Variants in CCDC7 observed in about 807,000 individuals in gnomAD.
CCDC7 encodes the protein coiled-coil domain-containing protein 7.
A neutral mutation model predicts 196.9 loss-of-function variants in CCDC7; 183 were observed. The ratio of observed to expected loss-of-function variants is 0.93; its 90% CI spans 0.82 to 1.05. The LOEUF is 1.05. Ranked by LOEUF, CCDC7 falls within the 50% of genes least tolerant of loss-of-function variation. The pLI is 0.00. For synonymous variants in CCDC7, 525 were observed against 484.6 expected (o/e 1.08, Z -1.10); for missense variants, 1,540 against 1,482.2 (o/e 1.04, Z -0.64).
rs566704894 is a variant in CCDC7, at chr10:32,780,832, A to T, written c.3013+1748A>T. ...TAAAACTCTTCACACAAAAGGCAGA[A>T]ATTTGCAGAATGAATTTTTTTTAAA... is the stretch of plus-strand genomic sequence containing the variant. On this transcript the variant is annotated intron_variant, in intron 29 of 41. Transcript: ENST00000639629. Among the ~76,000 whole-genome samples, 5 of 152,282 alleles carry T rather than the reference A, an allele frequency of 3.3e-5. 1 individual carries two copies. In the South Asian group the frequency reaches 1.0e-3, roughly 32 times the overall value.
chr10:32,443,714 A>G (rs2030463868), upstream of CCDC7, among the ~76,000 whole-genome samples: 1 of 152,184 alleles, frequency 6.6e-6, no homozygotes, highest in Admixed American at 6.5e-5. Flanking sequence ...ATAACTCTTG[A>G]AAACCTGTAG....
chr10:32,684,585 C>A (rs2076249207), intron 21 of CCDC7, among the ~76,000 whole-genome samples: 1 of 152,180 alleles, frequency 6.6e-6, no homozygotes, highest in African/African-American at 2.4e-5. Flanking sequence ...CCCAAGGTGG[C>A]CTCCTGGATG....
intron 20 of CCDC7, among the ~76,000 whole-genome samples, chr10:32,650,763 C>T (rs554664058): frequency 5.8e-4 from 88 of 152,252 alleles, no homozygotes; most frequent in Middle Eastern, 3.4e-3. Context: ...CTTGCAACTC[C>T]CTCCTCCAGG....
exon 38 of CCDC7, chr10:32,847,855 A>T (rs1402330110): frequency 1.9e-6 from 3 of 1,611,254 alleles, no homozygotes; most frequent in Non-Finnish European, 2.5e-6. Flanking sequence ...AACCCTTGAC[A>T]AATGCCATTG....
chr10:32,810,504 C>T (rs1253544827), intron 30 of CCDC7, among the ~76,000 whole-genome samples: 2 of 152,046 alleles, frequency 1.3e-5, no homozygotes, highest in Admixed American at 1.3e-4. Context: ...AACATTGAAG[C>T]ATCCAGATAT....
chr10:32,817,295 T>G (rs1386136409), intron 31 of CCDC7, among the ~76,000 whole-genome samples: 1 of 151,936 alleles, frequency 6.6e-6, no homozygotes, highest in Non-Finnish European at 1.5e-5. Flanking sequence ...GAAAAAAGAA[T>G]AAAAAGAAAC....
intron 8 of CCDC7, among the ~76,000 whole-genome samples, chr10:32,489,786 G>GTGT (rs2041868526): frequency 1.3e-5 from 2 of 152,144 alleles, no homozygotes; most frequent in South Asian, 4.1e-4. Context: ...GGGGGCTGTG[G>GTGT]TGTCTGAGGC....
At chr10:32,519,786 T>TC (rs1291700272) in intron 11 of CCDC7, among the ~76,000 whole-genome samples, 7 of 152,040 alleles carry the variant, frequency 4.6e-5, no homozygotes, top group Non-Finnish European at 7.4e-5. Context: ...TTGACTATTG[T>TC]CCCCCTGTTG....
At chr10:32,451,483 C>A, upstream of CCDC7, 1 of 1,010,476 alleles carries the variant, frequency 9.9e-7, no homozygotes, top group South Asian at 2.4e-5. Context: ...CCAGAAGTTG[C>A]TTAATGTACT....
chr10:32,580,163 C>T (rs1590131664), intron 16 of CCDC7, among the ~76,000 whole-genome samples: 2 of 151,784 alleles, frequency 1.3e-5, no homozygotes, highest in East Asian at 3.9e-4. Flanking sequence ...TTTCTTTTAT[C>T]CTATATAATT....
At chr10:32,704,277 C>T (rs547448955) in intron 24 of CCDC7, among the ~76,000 whole-genome samples, 2 of 152,282 alleles carry the variant, frequency 1.3e-5, no homozygotes, top group Admixed American at 6.5e-5. Flanking sequence ...AGGTCCACTC[C>T]AGGCCCTGTT....
intron 25 of CCDC7, among the ~76,000 whole-genome samples, chr10:32,724,895 C>T (rs1183414971): frequency 2.0e-5 from 3 of 152,124 alleles, no homozygotes; most frequent in Non-Finnish European, 2.9e-5. Context: ...CTGTATGTTA[C>T]ATCCAGTGTG....
intron 29 of CCDC7, among the ~76,000 whole-genome samples, chr10:32,793,277 A>T (rs1393201517): frequency 6.6e-6 from 1 of 152,216 alleles, no homozygotes; most frequent in Non-Finnish European, 1.5e-5. Context: ...CCCTTCAAGA[A>T]TAAAATTTTG....
intron 9 of CCDC7, chr10:32,513,267 T>A (rs1358422792): frequency 6.6e-6 from 1 of 152,090 alleles, no homozygotes; most frequent in African/African-American, 2.4e-5. Context: ...GATATATATC[T>A]CTAGAAAAAC....
chr10:32,828,476 AGAGGAAGAG>A (rs1407741618), intron 32 of CCDC7, among the ~76,000 whole-genome samples: 4 of 85,836 alleles, frequency 4.7e-5, no homozygotes, highest in South Asian at 8.0e-4. Flanking sequence ...AGGAAGAGGA[AGAGGAAGAG>A]GAAGAAGAAG....
chr10:32,793,689 G>T (rs1340359399), intron 29 of CCDC7, among the ~76,000 whole-genome samples: 1 of 152,064 alleles, frequency 6.6e-6, no homozygotes, highest in Non-Finnish European at 1.5e-5. Flanking sequence ...TCAAGAAAAT[G>T]TTGTTTAATT....
intron 3 of CCDC7, among the ~76,000 whole-genome samples, chr10:32,461,978 G>A (rs1384192421): frequency 6.6e-6 from 1 of 151,434 alleles, no homozygotes; most frequent in Admixed American, 6.6e-5. Context: ...CTCCATGTTG[G>A]TCAGGCTGGT....
chr10:32,825,605 C>G (rs1472953188), intron 32 of CCDC7, among the ~76,000 whole-genome samples: 1 of 151,922 alleles, frequency 6.6e-6, no homozygotes, highest in African/African-American at 2.4e-5. Flanking sequence ...ATTTTGGTAC[C>G]AGGAGTGGTT....
chr10:32,650,471 A>G (rs2068549286), intron 20 of CCDC7, among the ~76,000 whole-genome samples: 2 of 152,170 alleles, frequency 1.3e-5, no homozygotes. Context: ...ACTGCCAACC[A>G]CTGGCACTGT....
Sources: gnomAD v4.1 joint callset for allele counts (sites outside exome capture counted in the v4.1 genomes callset) on GRCh38, gnomAD v4.1.1 for gene constraint, MANE v1.5 for transcripts, NCBI Gene and HGNC (gene_info 2026-07-23, HGNC 2026-07-21) for gene names.